Variants in TXNDC9 observed in about 807,000 individuals in gnomAD.
TXNDC9 encodes the protein thioredoxin domain-containing protein 9.
TXNDC9 carries 7 observed loss-of-function variants against 23.0 expected under a neutral mutation model. The ratio of observed to expected loss-of-function variants is 0.30; its 90% CI spans 0.17 to 0.57. The LOEUF is 0.57. Ranked by LOEUF, TXNDC9 falls within the 20% of genes least tolerant of loss-of-function variation. The probability of loss-of-function intolerance (pLI) is 0.90; values close to 1 mark genes in which losing one functional copy is unlikely to be tolerated. For missense variants in TXNDC9, 198 were observed against 252.6 expected, an observed-to-expected ratio of 0.78 and a Z score of 1.47; for synonymous variants, 72 against 90.6, an observed-to-expected ratio of 0.79 and a Z score of 1.17.
At chr2:99,317,652 AT>A (rs1400162542), downstream of TXNDC9, among the ~76,000 whole-genome samples, 1 of 149,040 alleles carries the variant, frequency 6.7e-6, no homozygotes, top group East Asian at 1.9e-4. Context: ...TTTTTTTTTC[AT>A]TTTTTATAGA....
intron 2 of TXNDC9, among the ~76,000 whole-genome samples, chr2:99,328,026 G>A (rs571544669): frequency 6.1e-4 from 92 of 151,966 alleles, no homozygotes; most frequent in African/African-American, 1.9e-3. Context: ...CTTGTGATCC[G>A]CCTGCCTCGG....
intron 4 of TXNDC9, 138 bp from the exon 5 acceptor site, chr2:99,319,937 A>C: frequency 1.7e-6 from 1 of 596,682 alleles, no homozygotes; most frequent in Admixed American, 3.3e-5. Context: ...AAGAGGTATA[A>C]TGCTTATATT....
At chr2:99,311,077 G>A in the TXNDC9 span, among the ~76,000 whole-genome samples, 1 of 151,980 alleles carries the variant, frequency 6.6e-6, no homozygotes, top group South Asian at 2.1e-4. Context: ...TCAGGCTGGA[G>A]TGCAGTGGCA....
intron 3 of TXNDC9, chr2:99,322,862 T>G: frequency 8.1e-6 from 4 of 494,576 alleles, no homozygotes; most frequent in Non-Finnish European, 1.2e-5. Context: ...CCCTGGTTCA[T>G]GCCATTCTCC....
At chr2:99,329,535 G>A (rs886660645) in intron 2 of TXNDC9, among the ~76,000 whole-genome samples, 11 of 152,270 alleles carry the variant, frequency 7.2e-5, no homozygotes, top group African/African-American at 2.2e-4. Context: ...CATTTACATC[G>A]AGCTGACACT....
intron 3 of TXNDC9, chr2:99,322,689 G>A (rs2094205311): frequency 5.4e-6 from 8 of 1,489,178 alleles, no homozygotes; most frequent in South Asian, 1.3e-5. Flanking sequence ...TAAGGCTAAG[G>A]GTTACTAATA....
chr2:99,322,946 A>G (rs546826369), intron 3 of TXNDC9, among the ~76,000 whole-genome samples: 107 of 152,068 alleles, frequency 7.0e-4, no homozygotes, highest in Non-Finnish European at 1.3e-3. Flanking sequence ...TATTTTTAGT[A>G]GAGACGGGGT....
At chr2:99,315,075 T>A (rs1338074961), downstream of TXNDC9, among the ~76,000 whole-genome samples, 2 of 148,588 alleles carry the variant, frequency 1.3e-5, no homozygotes, top group Non-Finnish European at 3.0e-5. Context: ...TTTTTTTTTT[T>A]TTTTTGAGAT....
downstream of TXNDC9, among the ~76,000 whole-genome samples, chr2:99,316,021 T>C (rs567465455): frequency 3.3e-5 from 5 of 152,272 alleles, no homozygotes; most frequent in African/African-American, 9.6e-5. Flanking sequence ...TTGAATTTGT[T>C]GAATTTGCAG....
intron 3 of TXNDC9, among the ~76,000 whole-genome samples, chr2:99,326,605 T>G (rs991942473): frequency 6.6e-6 from 1 of 152,246 alleles, no homozygotes; most frequent in African/African-American, 2.4e-5. Flanking sequence ...CACAAAGGCT[T>G]GGGTCCTTTG....
downstream of TXNDC9, among the ~76,000 whole-genome samples, chr2:99,316,117 C>T (rs941523901): frequency 7.1e-4 from 97 of 135,990 alleles, no homozygotes; most frequent in Middle Eastern, 4.1e-3. Context: ...ATTTCTTTTT[C>T]TTTTTTTTTT....
At chr2:99,333,286 A>T in intron 1 of TXNDC9, 44 bp from the exon 2 acceptor site, 1 of 1,480,508 alleles carries the variant, frequency 6.8e-7, no homozygotes, top group South Asian at 1.4e-5. Flanking sequence ...AATGCAAACA[A>T]TAAGCAAGGT....
the TXNDC9 span, among the ~76,000 whole-genome samples, chr2:99,312,421 C>G: frequency 1.3e-5 from 2 of 149,924 alleles, no homozygotes; most frequent in Non-Finnish European, 1.5e-5. Context: ...TGCTCGAACC[C>G]GGGAGGTGGA....
intron 3 of TXNDC9, chr2:99,322,828 C>T: frequency 1.2e-6 from 1 of 826,134 alleles, no homozygotes; most frequent in Non-Finnish European, 1.6e-6. Flanking sequence ...GTGGCACAAG[C>T]TCGGCTCACT....
chr2:99,320,497 C>T (rs1207286015), intron 4 of TXNDC9, among the ~76,000 whole-genome samples: 2 of 152,140 alleles, frequency 1.3e-5, no homozygotes, highest in Non-Finnish European at 2.9e-5. Flanking sequence ...GGGAGATGTT[C>T]TCCAAAATAA....
At chr2:99,318,915 G>A (rs1223258385), downstream of TXNDC9, 1 of 152,208 alleles carries the variant, frequency 6.6e-6, no homozygotes, top group Non-Finnish European at 1.5e-5. Context: ...CTGGAGAGAG[G>A]GAATGGGGTC....
chr2:99,327,790 T>G, intron 2 of TXNDC9, 137 bp from the exon 3 acceptor site: 1 of 567,316 alleles, frequency 1.8e-6, no homozygotes, highest in South Asian at 2.7e-5. Flanking sequence ...TGTTTGTTTT[T>G]GTTTTTTTTT....
At chr2:99,313,941 G>GT in the TXNDC9 span, among the ~76,000 whole-genome samples, 1 of 152,096 alleles carries the variant, frequency 6.6e-6, no homozygotes, top group South Asian at 2.1e-4. Context: ...GTTTTCCAGT[G>GT]TAGTTACTTT....
chr2:99,328,501 C>T (rs867856045), intron 2 of TXNDC9, among the ~76,000 whole-genome samples: 3 of 152,146 alleles, frequency 2.0e-5, no homozygotes, highest in Non-Finnish European at 4.4e-5. Flanking sequence ...CACAGCATGG[C>T]CTGGGTTCAA....
Sources: allele counts gnomAD v4.1 joint callset (sites outside exome capture counted in the v4.1 genomes callset), GRCh38; gene constraint gnomAD v4.1.1; transcripts MANE v1.5; gene names NCBI Gene and HGNC (gene_info 2026-07-23, HGNC 2026-07-21).